Variants in NCBP1 observed in about 807,000 individuals in gnomAD.
NCBP1 encodes the protein nuclear cap-binding protein subunit 1.
Under a neutral mutation model 111.7 loss-of-function variants are expected in NCBP1, and 16 were observed. The ratio of observed to expected loss-of-function variants is 0.14; its 90% CI spans 0.10 to 0.22. The LOEUF is 0.22. NCBP1 is among the 10% of genes least tolerant of loss of function. The pLI, the probability that NCBP1 is intolerant of heterozygous loss-of-function variation, is 1.00. For synonymous variants in NCBP1, 304 were observed against 314.3 expected, an observed-to-expected ratio of 0.97 and a Z score of 0.35; for missense variants, 607 against 957.5, an observed-to-expected ratio of 0.63 and a Z score of 4.83.
At chr9:97,655,915 C>G in intron 13 of NCBP1, 96 bp from the exon 14 acceptor site, 2 of 1,375,582 alleles carry the variant, frequency 1.5e-6, no homozygotes, top group Non-Finnish European at 2.0e-6. Flanking sequence ...CTTAACAAAA[C>G]TTGTAAGTTG....
chr9:97,661,078 A>G lies in NCBP1; in HGVS notation c.1600+10A>G. 1 of 1,611,156 alleles carries G rather than the reference A, an allele frequency of 6.2e-7. No homozygotes were observed. Among genetic ancestry groups the G allele is most frequent in the Non-Finnish European group, 8.5e-7 (1 of 1,179,432 alleles). ...CAGGATGATGACGACGGTAAGTGGA[A>G]TTCAGTATTTCTTAAGTGGAACTAT... On this transcript the variant is annotated intron_variant, in intron 16 of 22. Transcript: ENST00000375147.
chr9:97,636,472 T>C (rs1827028969), intron 1 of NCBP1, among the ~76,000 whole-genome samples: 1 of 146,054 alleles, frequency 6.8e-6, no homozygotes, highest in Admixed American at 6.9e-5. Context: ...GAATGTATTA[T>C]ATATATTTAT....
intron 22 of NCBP1, among the ~76,000 whole-genome samples, chr9:97,670,761 G>T (rs977923828): frequency 6.6e-6 from 1 of 152,184 alleles, no homozygotes; most frequent in Non-Finnish European, 1.5e-5. Context: ...CCCTGACTGG[G>T]GAGAGAGCTA....
chr9:97,653,724 G>C (rs1827561506), intron 10 of NCBP1, 74 bp from the exon 11 acceptor site: 1 of 1,097,384 alleles, frequency 9.1e-7, no homozygotes, highest in Non-Finnish European at 1.4e-6. Context: ...CTCAGATTTA[G>C]AATGTTAAGG....
chr9:97,662,920 A>G lies in NCBP1; in HGVS notation c.1704-34A>G, dbSNP rs749927680. On this transcript the variant is annotated intron_variant, in intron 17 of 22. Coordinates refer to ENST00000375147, the MANE Select transcript of NCBP1 (RefSeq NM_002486.5). ...ACACTAAAATGTTTAATGAATAAGT[A>G]TATATGGTATTTTTTTCCCATCATT... The G allele has an allele frequency of 4.8e-6, 7 of 1,452,010 alleles. No individual in the cohort carries two copies. The African/African-American group carries it at 8.5e-5, about 18-fold the overall frequency. The allele number at this position is 1,452,010 out of a possible 1,614,324, so 89.9% of individuals were successfully genotyped here.
chr9:97,659,641 A>G (rs1485768376), intron 15 of NCBP1, among the ~76,000 whole-genome samples: 1 of 152,246 alleles, frequency 6.6e-6, no homozygotes, highest in Non-Finnish European at 1.5e-5. Flanking sequence ...CTGAGTGGCC[A>G]TGCTGTTAGC....
chr9:97,641,542 T>C lies in NCBP1; in HGVS notation c.124-20T>C. On this transcript the variant is annotated intron_variant, in intron 2 of 22. Coordinates refer to ENST00000375147, the MANE Select transcript of NCBP1 (RefSeq NM_002486.5). ...TGTTGCTGAGTACTTGACAGATATTTAATGTGATGTCCTCTACAGAGTGCC... is the reference window on the plus strand; with the variant it reads ...TGTTGCTGAGTACTTGACAGATATTCAATGTGATGTCCTCTACAGAGTGCC... 1 of 1,546,668 alleles carries C rather than the reference T, an allele frequency of 6.5e-7. No homozygotes were observed. Among genetic ancestry groups the C allele is most frequent in the Non-Finnish European group, 8.8e-7 (1 of 1,142,234 alleles).
intron 14 of NCBP1, among the ~76,000 whole-genome samples, 161 bp downstream of exon 14, chr9:97,656,246 G>A (rs986226118): frequency 6.6e-6 from 1 of 152,198 alleles, no homozygotes; most frequent in Admixed American, 6.5e-5. Context: ...AGGCAACCAT[G>A]CCATATAGAT....
At chr9:97,667,180 C>T (rs1828032539) in intron 20 of NCBP1, among the ~76,000 whole-genome samples, 1 of 152,080 alleles carries the variant, frequency 6.6e-6, no homozygotes, top group Non-Finnish European at 1.5e-5. Context: ...GGGAAGAGGA[C>T]ACTTGTATTT....
chr9:97,661,113 A>G, intron 16 of NCBP1, 45 bp downstream of exon 16: 1 of 1,600,620 alleles, frequency 6.2e-7, no homozygotes, highest in Non-Finnish European at 8.5e-7. Context: ...TGTATAGGCC[A>G]ACTTAAAGCA....
In NCBP1 at chr9:97,672,294, A is replaced by C. The variant is rs1462548415; in HGVS notation, c.*1095A>C. 6.6e-6 allele frequency: 1 copy of C among 152,242 alleles called. No individual in the cohort carries two copies. Among genetic ancestry groups the C allele is most frequent in the Non-Finnish European group, 1.5e-5 (1 of 68,048 alleles). The allele number at this position is 152,242 out of a possible 1,614,324, so 9.4% of individuals were successfully genotyped here. A position where few individuals can be genotyped will look rare whatever the true frequency, so the allele number is the denominator to read the frequency against. ...ACTGGTAGTGTTGTTGTGCATTTGC[A>C]CAAAATAGGTATAATTTTTTCTTAT... On this transcript the variant is annotated 3_prime_UTR_variant, in exon 23 of 23. Coordinates refer to ENST00000375147, the MANE Select transcript of NCBP1 (RefSeq NM_002486.5).
chr9:97,645,194 A>C lies in NCBP1; in HGVS notation c.459A>C (p.Val153=). 6.2e-7 allele frequency: 1 copy of C among 1,613,258 alleles called. No individual in the cohort carries two copies. Among genetic ancestry groups the C allele is most frequent in the Non-Finnish European group, 8.5e-7 (1 of 1,179,388 alleles). Residue 153 remains valine, a synonymous_variant, in exon 5 of 23, where the codon GTA becomes GTC. Transcript: ENST00000375147. The stretch of plus-strand genomic sequence containing the variant: ...TGGTTGCTATGTTTGAAAATTTTGT[A>C]AGCGTAACTCAGGAAGAAGATGTAC... ...PSMVAMFENF[V]SVTQEEDVPQ...
At chr9:97,635,479 C>T (rs932668344) in intron 1 of NCBP1, among the ~76,000 whole-genome samples, 1 of 150,640 alleles carries the variant, frequency 6.6e-6, no homozygotes, top group African/African-American at 2.5e-5. Flanking sequence ...GGCGCGATCT[C>T]GGCTTACTGC....
chr9:97,646,769 G>A (rs1007823508), intron 6 of NCBP1, among the ~76,000 whole-genome samples: 2 of 150,088 alleles, frequency 1.3e-5, no homozygotes, highest in Non-Finnish European at 3.0e-5. Context: ...CCCAGGAGAC[G>A]GAGGTTGCAG....
At chr9:97,648,813 G>A (rs1259409239) in intron 8 of NCBP1, among the ~76,000 whole-genome samples, 4 of 152,042 alleles carry the variant, frequency 2.6e-5, no homozygotes, top group African/African-American at 4.8e-5. Context: ...GTGCTCAAGC[G>A]ATCCTTCCAC....
intron 11 of NCBP1, among the ~76,000 whole-genome samples, chr9:97,654,210 G>A (rs1019770984): frequency 2.2e-4 from 34 of 152,098 alleles, no homozygotes; most frequent in Non-Finnish European, 7.4e-5. Flanking sequence ...CTTGCTGTTT[G>A]ATACAGCATT....
chr9:97,661,090 T>G, intron 16 of NCBP1, 22 bp downstream of exon 16: 1 of 1,610,234 alleles, frequency 6.2e-7, no homozygotes, highest in South Asian at 1.1e-5. Flanking sequence ...TCAGTATTTC[T>G]TAAGTGGAAC....
At chr9:97,645,037 T>C (rs1039713221) in intron 4 of NCBP1, 80 bp from the exon 5 acceptor site, 5 of 1,054,946 alleles carry the variant, frequency 4.7e-6, no homozygotes, top group East Asian at 2.4e-5. Flanking sequence ...ACCAATAGTT[T>C]AGCCTATACA....
intron 6 of NCBP1, among the ~76,000 whole-genome samples, chr9:97,646,494 A>G (rs553601811): frequency 6.6e-6 from 1 of 152,242 alleles, no homozygotes; most frequent in South Asian, 2.1e-4. Context: ...ATAACTGTTA[A>G]TAGCTACTTA....
Sources: allele counts gnomAD v4.1 joint callset (sites outside exome capture counted in the v4.1 genomes callset), GRCh38; gene constraint gnomAD v4.1.1; transcripts MANE v1.5; gene names NCBI Gene and HGNC (gene_info 2026-07-23, HGNC 2026-07-21).